The following DPYD variants were observed in gnomAD, a reference collection of about 807,000 sequenced individuals.
DPYD encodes dihydropyrimidine dehydrogenase [NADP(+)].
A neutral mutation model predicts 116.2 loss-of-function variants in DPYD; 109 were observed. The observed-to-expected ratio is 0.94, with a 90% confidence interval of 0.80 to 1.10. The LOEUF is 1.10. Among genes scored for constraint, DPYD ranks in the 50% least tolerant of loss-of-function variants. DPYD has a pLI of 0.00. For missense variants in DPYD, 1,302 were observed against 1,254.5 expected (o/e 1.04, Z -0.57); for synonymous variants, 440 against 432.0 (o/e 1.02, Z -0.23).
intron 3 of DPYD, among the ~76,000 whole-genome samples, chr1:97,784,272 TA>T (rs71071671): frequency 0.26 from 25,980 of 101,136 alleles, 2,313 homozygotes; most frequent in Middle Eastern, 0.28. Flanking sequence ...TTCCTTTTTT[TA>T]AAAAAAAAAA....
chr1:97,604,802 T>C (rs946679449), intron 8 of DPYD, among the ~76,000 whole-genome samples: 3 of 152,092 alleles, frequency 2.0e-5, no homozygotes. Context: ...TTTGACCTTT[T>C]TGCACCTCAG....
intron 4 of DPYD, among the ~76,000 whole-genome samples, chr1:97,737,872 GTTTC>G (rs1281367779): frequency 6.6e-6 from 1 of 151,916 alleles, no homozygotes; most frequent in African/African-American, 2.4e-5. Context: ...CGATTTTGTT[GTTTC>G]TTTAACTTCC....
chr1:97,909,616 T>C (rs1051324026), intron 1 of DPYD, among the ~76,000 whole-genome samples: 1 of 6,762 alleles, frequency 1.5e-4, no homozygotes, highest in Non-Finnish European at 0.016. Context: ...CTTTATGCCC[T>C]CAACTACCCT....
intron 4 of DPYD, among the ~76,000 whole-genome samples, chr1:97,730,757 GA>G (rs2101047420): frequency 6.6e-6 from 1 of 151,996 alleles, no homozygotes; most frequent in South Asian, 2.1e-4. Flanking sequence ...AGAAAAAGAT[GA>G]AATACTATTT....
chr1:97,347,442 C>T (rs958545220), intron 16 of DPYD, among the ~76,000 whole-genome samples: 2 of 151,906 alleles, frequency 1.3e-5, no homozygotes, highest in African/African-American at 4.8e-5. Flanking sequence ...TGTTTTCTTT[C>T]GGTTAAGCCA....
chr1:97,227,331 C>CAAAAAAAAAAAAAAAAAAA (rs60992225), intron 19 of DPYD, among the ~76,000 whole-genome samples: 31 of 26,348 alleles, frequency 1.2e-3, no homozygotes, highest in South Asian at 1.6e-3. Flanking sequence ...GACTCTATCT[C>CAAAAAAAAAAAAAAAAAAA]AAAAAAAAAA....
intron 1 of DPYD, 96 bp downstream of exon 1, chr1:97,920,788 C>A: frequency 6.7e-7 from 1 of 1,501,280 alleles, no homozygotes; most frequent in South Asian, 1.2e-5. Context: ...CTCTCACTCT[C>A]CGGGGTGCGG....
intron 19 of DPYD, among the ~76,000 whole-genome samples, chr1:97,229,039 T>C (rs1661390517): frequency 6.6e-6 from 1 of 151,234 alleles, no homozygotes; most frequent in Non-Finnish European, 1.5e-5. Flanking sequence ...CTACTAAAAA[T>C]ACACACACAA....
chr1:97,116,678 A>C (rs1480449200), intron 20 of DPYD, among the ~76,000 whole-genome samples: 2 of 152,094 alleles, frequency 1.3e-5, no homozygotes, highest in Admixed American at 1.3e-4. Flanking sequence ...TCTCAAAATA[A>C]ATAAATAAAT....
intron 2 of DPYD, among the ~76,000 whole-genome samples, chr1:97,860,326 C>T (rs1031191703): frequency 1.3e-5 from 2 of 152,136 alleles, no homozygotes; most frequent in African/African-American, 2.4e-5. Context: ...TTTGAGATCA[C>T]ATTTAAACAT....
intron 10 of DPYD, among the ~76,000 whole-genome samples, chr1:97,592,438 C>A (rs1399685181): frequency 1.3e-5 from 2 of 152,154 alleles, no homozygotes; most frequent in Non-Finnish European, 2.9e-5. Flanking sequence ...ACGATCTGGG[C>A]TCACTGCAAG....
chr1:97,356,208 A>G (rs548265195), intron 16 of DPYD, among the ~76,000 whole-genome samples: 4 of 152,112 alleles, frequency 2.6e-5, no homozygotes, highest in Non-Finnish European at 5.9e-5. Context: ...TCATATGCCT[A>G]TTGGTCATTT....
intron 14 of DPYD, among the ~76,000 whole-genome samples, chr1:97,400,627 G>T (rs1326654042): frequency 6.6e-6 from 1 of 152,048 alleles, no homozygotes; most frequent in Non-Finnish European, 1.5e-5. Context: ...CAATTTCAGA[G>T]CCTGTTAATG....
intron 19 of DPYD, among the ~76,000 whole-genome samples, chr1:97,198,004 A>G (rs1025712765): frequency 2.0e-5 from 3 of 152,200 alleles, no homozygotes; most frequent in Non-Finnish European, 4.4e-5. Flanking sequence ...TTTACTTCCA[A>G]TAAGATTAAA....
At chr1:97,898,062 T>G (rs187295116) in intron 1 of DPYD, among the ~76,000 whole-genome samples, 24 of 151,860 alleles carry the variant, frequency 1.6e-4, no homozygotes, top group African/African-American at 5.5e-4. Flanking sequence ...CAAGCAGCAT[T>G]TGCTCTGGGG....
intron 14 of DPYD, 74 bp from the exon 15 acceptor site, chr1:97,382,535 C>A: frequency 1.2e-6 from 1 of 815,636 alleles, no homozygotes; most frequent in South Asian, 2.4e-5. Context: ...TTAATATTTA[C>A]ATAAATTTAT....
chr1:97,623,729 A>G (rs1442547796), intron 8 of DPYD, among the ~76,000 whole-genome samples: 3 of 152,000 alleles, frequency 2.0e-5, no homozygotes, highest in Non-Finnish European at 4.4e-5. Flanking sequence ...ATTTCAAACT[A>G]TACAACAAAG....
At chr1:97,846,874 A>G (rs563996141) in intron 2 of DPYD, among the ~76,000 whole-genome samples, 1 of 152,328 alleles carries the variant, frequency 6.6e-6, no homozygotes, top group Non-Finnish European at 1.5e-5. Context: ...ATAAAACATT[A>G]GTTCATCGTA....
At chr1:97,824,497 A>C (rs1669127495) in intron 3 of DPYD, among the ~76,000 whole-genome samples, 1 of 152,210 alleles carries the variant, frequency 6.6e-6, no homozygotes, top group Non-Finnish European at 1.5e-5. Context: ...AGTAAAATTA[A>C]ACATTCGGTT....
Sources: gnomAD v4.1 joint callset for allele counts (sites outside exome capture counted in the v4.1 genomes callset) on GRCh38, gnomAD v4.1.1 for gene constraint, MANE v1.5 for transcripts, NCBI Gene and HGNC (gene_info 2026-07-23, HGNC 2026-07-21) for gene names.